The following UGT1A3 variants were observed in gnomAD, a reference collection of about 807,000 sequenced individuals.
UGT1A3 encodes the protein UDP-glucuronosyltransferase 1A3.
Under a neutral mutation model 41.0 loss-of-function variants are expected in UGT1A3, and 31 were observed. The ratio of observed to expected loss-of-function variants is 0.76; its 90% confidence interval spans 0.57 to 1.02. The LOEUF (loss-of-function observed/expected upper bound fraction) is 1.02. Ranked by LOEUF, UGT1A3 falls within the 50% of genes least tolerant of loss-of-function variation. The probability of loss-of-function intolerance (pLI) is 0.00; values close to 1 mark genes in which losing one functional copy is unlikely to be tolerated. For missense variants in UGT1A3, 737 were observed against 671.0 expected, an observed-to-expected ratio of 1.10 and a Z score of -1.09; for synonymous variants, 262 against 257.6, an observed-to-expected ratio of 1.02 and a Z score of -0.17.
rs1575582570 is a variant in UGT1A3, at chr2:233,729,563, T to C, written c.437T>C (p.Phe146Ser). Reference protein sequence around the residue: ...ALIRHLNATSFDVVLTDPVNL... With the variant: ...ALIRHLNATSSDVVLTDPVNL... ...ATCAGGCACCTGAATGCTACTTCCT[T>C]TGATGTGGTTTTAACAGACCCCGTT... The change falls in exon 1 of 5, where the codon TTT (phenylalanine) becomes TCT (serine). Residue 146 changes from phenylalanine (F) to serine (S), a missense_variant. Physicochemically the swap from Phe to Ser is radical, Grantham distance 155. Transcript: ENST00000482026. 2 of 1,614,156 alleles carry C rather than the reference T, an allele frequency of 1.2e-6. No individual in the cohort carries two copies. Among genetic ancestry groups the C allele is most frequent in the South Asian group, 1.1e-5 (1 of 91,082 alleles).
chr2:233,756,694 GA>G (rs888439018), intron 1 of UGT1A3, among the ~76,000 whole-genome samples: 3 of 152,120 alleles, frequency 2.0e-5, no homozygotes, highest in Non-Finnish European at 2.9e-5. Flanking sequence ...TAATGACGAT[GA>G]ATTTTGGGGG....
chr2:233,762,367 A>G lies in UGT1A3; in HGVS notation c.868-4667A>G, dbSNP rs34270252. ...GTTCTTTGTACTCCAGCTATTACAT[A>G]CCAATATGTATATAGAAACATATGT... On this transcript the variant is annotated intron_variant, in intron 1 of 4. Transcript: ENST00000482026. 2.9e-4 allele frequency among the ~76,000 whole-genome samples: 44 copies of G among 152,378 alleles called. 2 individuals are homozygous for G. The East Asian group carries it at 8.1e-3, about 28-fold the overall frequency.
chr2:233,766,265 G>A (rs1699086397), intron 1 of UGT1A3, among the ~76,000 whole-genome samples: 1 of 67,776 alleles, frequency 1.5e-5, no homozygotes, highest in Admixed American at 1.4e-4. Flanking sequence ...TCAGTGGCCC[G>A]GGCTCGGTGG....
In UGT1A3 at chr2:233,769,436, T is replaced by TGTGGGTGCACACGTGTGCATTCATATGC; in HGVS notation, c.1307+1001_1307+1028dup. The TGTGGGTGCACACGTGTGCATTCATATGC allele has an allele frequency of 6.4e-7, 1 of 1,552,200 alleles. No individual in the cohort carries two copies. The highest frequency in any genetic ancestry group is 2.3e-5 in the East Asian group (1 of 44,346). ...GTTTGTGCATGTGGCTGTGCTCATG[T>TGTGGGTGCACACGTGTGCATTCATATGC]GTGGGTGCACACGTGTGCATTCATA... is the stretch of plus-strand genomic sequence containing the variant. On this transcript the variant is annotated intron_variant, in intron 4 of 4. Coordinates refer to ENST00000482026, the MANE Select transcript of UGT1A3 (RefSeq NM_019093.4). The surrounding 1 kb of genome is among the most constrained non-coding windows in gnomAD (Gnocchi z 4.4).
intron 1 of UGT1A3, among the ~76,000 whole-genome samples, chr2:233,761,771 C>A (rs1035405620): frequency 6.6e-6 from 1 of 152,236 alleles, no homozygotes; most frequent in East Asian, 1.9e-4. Context: ...GTAGCATTCA[C>A]ATCCTCATCG....
intron 4 of UGT1A3, 74 bp from the exon 5 acceptor site, chr2:233,772,188 C>A (rs1559419594): frequency 1.1e-5 from 17 of 1,595,306 alleles, no homozygotes; most frequent in Middle Eastern, 2.0e-4. Context: ...TCTTCTTAAG[C>A]AGCCATGAGC....
intron 1 of UGT1A3, chr2:233,747,264 A>G (rs1440326311): frequency 6.9e-5 from 111 of 1,598,996 alleles, no homozygotes; most frequent in Non-Finnish European, 9.0e-5. Flanking sequence ...CAGGAGTGCT[A>G]CTCCTTCTCA....
At chr2:233,734,729 GT>G (rs200668434) in intron 1 of UGT1A3, among the ~76,000 whole-genome samples, 10,395 of 152,166 alleles carry the variant, frequency 0.068, 499 homozygotes, top group East Asian at 0.2. Flanking sequence ...GTTCTCGTCG[GT>G]TTCAAAGAAC....
At chr2:233,737,640 G>A (rs1245829598) in intron 1 of UGT1A3, among the ~76,000 whole-genome samples, 6 of 152,138 alleles carry the variant, frequency 3.9e-5, no homozygotes, top group African/African-American at 7.2e-5. Context: ...CTTCTGCGTC[G>A]ATCATGCTGG....
intron 4 of UGT1A3, among the ~76,000 whole-genome samples, chr2:233,768,707 C>T (rs1156909231): frequency 6.0e-5 from 9 of 150,670 alleles, no homozygotes; most frequent in Non-Finnish European, 1.3e-4. Flanking sequence ...CCTCAGCCTC[C>T]GTGTAGCTGG....
intron 1 of UGT1A3, among the ~76,000 whole-genome samples, chr2:233,742,134 C>G (rs1691883024): frequency 6.6e-6 from 1 of 151,870 alleles, no homozygotes; most frequent in African/African-American, 2.4e-5. Flanking sequence ...AGACCCTAAC[C>G]CAGCAGCGCT....
intron 1 of UGT1A3, chr2:233,747,550 G>C: frequency 6.2e-6 from 10 of 1,601,970 alleles, no homozygotes; most frequent in Non-Finnish European, 7.7e-6. Context: ...TTTTCTAAAA[G>C]TATGGCAATT....
chr2:233,745,916 A>G (rs1693246629), intron 1 of UGT1A3, among the ~76,000 whole-genome samples: 1 of 151,488 alleles, frequency 6.6e-6, no homozygotes. Flanking sequence ...CAGCTGAGGC[A>G]GTGATTCAGA....
chr2:233,738,821 A>G (rs1039985874), intron 1 of UGT1A3: 3 of 152,270 alleles, frequency 2.0e-5, no homozygotes, highest in African/African-American at 7.2e-5. Context: ...AATTTGAATA[A>G]ATAAGGAGGA....
At chr2:233,765,991 C>G (rs939830697) in intron 1 of UGT1A3, among the ~76,000 whole-genome samples, 2 of 152,166 alleles carry the variant, frequency 1.3e-5, no homozygotes, top group Middle Eastern at 3.4e-3. Flanking sequence ...TCCTGAAGCT[C>G]CAGTGGGCGT....
intron 1 of UGT1A3, among the ~76,000 whole-genome samples, chr2:233,751,154 C>A (rs1181996969): frequency 6.6e-6 from 1 of 151,950 alleles, no homozygotes; most frequent in Non-Finnish European, 1.5e-5. Flanking sequence ...CCACTTCTGG[C>A]ATCAGCATGA....
At chr2:233,760,877 T>C in intron 1 of UGT1A3, 1 of 1,614,134 alleles carries the variant, frequency 6.2e-7, no homozygotes, top group South Asian at 1.1e-5. Flanking sequence ...CCCAGGCCTC[T>C]CTCCTCTCAT....
chr2:233,729,152 T>G lies in UGT1A3; in HGVS notation c.26T>G (p.Leu9Arg). 1.2e-6 allele frequency: 2 copies of G among 1,613,556 alleles called. No individual in the cohort carries two copies. Residue 9 changes from leucine to arginine, a missense_variant, in exon 1 of 5, where the codon CTG becomes CGG. Transcript: ENST00000482026. MATGLQVP[L>R]PWLATGLLLL... ...ATGGCCACAGGACTCCAGGTTCCCCTGCCGTGGCTGGCCACAGGACTGCTG... is the reference window on the plus strand; with the variant it reads ...ATGGCCACAGGACTCCAGGTTCCCCGGCCGTGGCTGGCCACAGGACTGCTG...
chr2:233,736,950 T>C (rs2078828860), intron 1 of UGT1A3, among the ~76,000 whole-genome samples: 1 of 152,182 alleles, frequency 6.6e-6, no homozygotes, highest in Non-Finnish European at 1.5e-5. Context: ...AGGTGTCTGT[T>C]GGCCCCTACT....
Sources: gnomAD v4.1 joint callset for allele counts (sites outside exome capture counted in the v4.1 genomes callset) on GRCh38, gnomAD v4.1.1 for gene constraint, Gnocchi (gnomAD v3.1) non-coding constraint, MANE v1.5 for transcripts, NCBI Gene and HGNC (gene_info 2026-07-23, HGNC 2026-07-21) for gene names.